Variants in GUCY2C observed in about 807,000 individuals in gnomAD.
GUCY2C encodes guanylyl cyclase C.
A neutral mutation model predicts 131.1 loss-of-function variants in GUCY2C; 118 were observed. The ratio of observed to expected loss-of-function variants is 0.90; its 90% CI spans 0.78 to 1.05. The LOEUF is 1.05. Among genes scored for constraint, GUCY2C ranks in the 50% least tolerant of loss-of-function variants. GUCY2C has a pLI of 0.00. For missense variants in GUCY2C, 1,161 were observed against 1,304.4 expected (o/e 0.89, Z 1.69); for synonymous variants, 452 against 457.8 (o/e 0.99, Z 0.16).
Position 14,614,507 on chromosome 12 carries a change from C to G in GUCY2C, c.3047+360G>C, listed in dbSNP as rs577626362. ...TCAAGTTCTAAATAGTCTGTTCATT[C>G]TTCCTCTTTTCCAGGTGGAAGCTCC... On this transcript the variant is annotated intron_variant, in intron 26 of 26. Coordinates refer to ENST00000261170, the MANE Select transcript of GUCY2C (RefSeq NM_004963.4). 12 of 194,128 alleles carry G rather than the reference C, an allele frequency of 6.2e-5. No homozygotes were observed. In the East Asian group the frequency reaches 1.7e-3, roughly 27 times the overall value. 12.0% of individuals were successfully genotyped at this position (194,128 alleles called of 1,614,324 possible). A position where few individuals can be genotyped will look rare whatever the true frequency, so the allele number is the denominator to read the frequency against.
intron 1 of GUCY2C, among the ~76,000 whole-genome samples, chr12:14,694,781 A>G (rs1948628833): frequency 6.6e-6 from 1 of 152,208 alleles, no homozygotes; most frequent in South Asian, 2.1e-4. Context: ...AATAGAGAAA[A>G]TTAAGACATA....
At chr12:14,617,320 G>A (rs953714440) in intron 24 of GUCY2C, among the ~76,000 whole-genome samples, 1 of 152,152 alleles carries the variant, frequency 6.6e-6, no homozygotes, top group Non-Finnish European at 1.5e-5. Context: ...TCTCACGTGG[G>A]AAGAAAGAAG....
chr12:14,644,496 T>C (rs1343305647), intron 16 of GUCY2C, among the ~76,000 whole-genome samples: 1 of 152,222 alleles, frequency 6.6e-6, no homozygotes, highest in Non-Finnish European at 1.5e-5. Flanking sequence ...GGCAAATCGA[T>C]TTTCATAACA....
intron 19 of GUCY2C, 31 bp downstream of exon 19, chr12:14,639,831 C>A (rs1240916925): frequency 1.6e-5 from 21 of 1,285,296 alleles, no homozygotes; most frequent in Non-Finnish European, 1.9e-5. Flanking sequence ...TATAGCAGGC[C>A]AAGGAAATGA....
At chr12:14,679,330 T>A (rs2137086575) in intron 6 of GUCY2C, among the ~76,000 whole-genome samples, 2 of 152,268 alleles carry the variant, frequency 1.3e-5, no homozygotes, top group South Asian at 4.1e-4. Context: ...TCTCCCAAAG[T>A]GCTGGGATTA....
chr12:14,648,887 C>T (rs1284636251), intron 15 of GUCY2C, among the ~76,000 whole-genome samples: 1 of 152,182 alleles, frequency 6.6e-6, no homozygotes, highest in Non-Finnish European at 1.5e-5. Context: ...TTATGATAGA[C>T]AGTCTTTGCA....
chr12:14,669,328 C>T (rs1948052198), intron 10 of GUCY2C, among the ~76,000 whole-genome samples: 1 of 151,908 alleles, frequency 6.6e-6, no homozygotes, highest in Non-Finnish European at 1.5e-5. Context: ...CCTCAGCCTC[C>T]CAAGTAGCTG....
At chr12:14,625,968 C>CA in intron 20 of GUCY2C, 53 bp from the exon 21 acceptor site, 1 of 1,043,804 alleles carries the variant, frequency 9.6e-7, no homozygotes, top group South Asian at 1.4e-5. Context: ...AAAACATGAA[C>CA]ATCCAATAAA....
At chr12:14,614,718 G>T in intron 26 of GUCY2C, 149 bp downstream of exon 26, 1 of 587,434 alleles carries the variant, frequency 1.7e-6, no homozygotes, top group Non-Finnish European at 3.0e-6. Context: ...AGTCTAGGAA[G>T]GGAGGTTTCT....
chr12:14,616,644 T>A lies in GUCY2C; in HGVS notation c.2959A>T (p.Thr987Ser). The A allele has an allele frequency of 6.3e-7, 1 of 1,575,532 alleles. No individual in the cohort carries two copies. The highest frequency in any genetic ancestry group is 8.7e-7 in the Non-Finnish European group (1 of 1,144,952). ...CQFLYEVRGE[T>S]YLKGRGNETT... ...TGTGGACTCCTTACCTTTAAGTATG[T>A]TTCTCCTCTCACTTCATAAAGGAAC... The change falls in exon 25 of 27, where the codon ACA (threonine) becomes TCA (serine). Residue 987 changes from threonine to serine, a missense_variant. Coordinates refer to ENST00000261170, the MANE Select transcript of GUCY2C (RefSeq NM_004963.4).
At chr12:14,643,989 T>A (rs1947460910) in intron 16 of GUCY2C, among the ~76,000 whole-genome samples, 1 of 152,228 alleles carries the variant, frequency 6.6e-6, no homozygotes, top group Admixed American at 6.5e-5. Context: ...AGGGTTGATT[T>A]TTTTTAAGTG....
At chr12:14,617,967 G>T (rs1470020464) in intron 24 of GUCY2C, among the ~76,000 whole-genome samples, 3 of 152,042 alleles carry the variant, frequency 2.0e-5, no homozygotes, top group Non-Finnish European at 4.4e-5. Context: ...AGCATGATTT[G>T]CCAGGACAAA....
rs1000100853 is a variant in GUCY2C, at chr12:14,681,220, A to G, written c.733+136T>C. The G allele has an allele frequency of 1.4e-5, 10 of 716,384 alleles. 1 individual carries two copies. Among genetic ancestry groups the G allele is most frequent in the Non-Finnish European group, 1.2e-5 (5 of 433,264 alleles). The allele number at this position is 716,384 out of a possible 1,614,324, so 44.4% of individuals were successfully genotyped here. A position where few individuals can be genotyped will look rare whatever the true frequency, so the allele number is the denominator to read the frequency against. On this transcript the variant is annotated intron_variant, in intron 5 of 26. Transcript: ENST00000261170. ...ATAATGAAGTTGCATGCAATTATAG[A>G]TCTCCCAAAATATACAAAATATGTA...
Position 14,681,399 on chromosome 12 carries a change from C to G in GUCY2C, c.690G>C (p.Lys230Asn). The G allele has an allele frequency of 7.4e-6, 12 of 1,611,914 alleles. No homozygotes were observed. Among genetic ancestry groups the G allele is most frequent in the Non-Finnish European group, 1.0e-5 (12 of 1,178,136 alleles). Residue 230 changes from lysine to asparagine, a missense_variant, in exon 5 of 27, where the codon AAG (lysine) becomes AAC (asparagine). Coordinates refer to ENST00000261170, the MANE Select transcript of GUCY2C (RefSeq NM_004963.4). The stretch of plus-strand genomic sequence containing the variant: ...GGTCCATTAAGATATCCTGAAACTC[C>G]TTATCTTGTCTTAACACCACCTTAA... ...LGFKVVLRQDKEFQDILMDHN... is the reference protein window; with the variant it reads ...LGFKVVLRQDNEFQDILMDHN...
chr12:14,633,327 T>C (rs1315253947), intron 19 of GUCY2C, among the ~76,000 whole-genome samples: 1 of 152,142 alleles, frequency 6.6e-6, no homozygotes, highest in Non-Finnish European at 1.5e-5. Flanking sequence ...GAGTAAATTA[T>C]GTAGAGACTA....
chr12:14,660,047 G>A (rs1291443259), intron 11 of GUCY2C, among the ~76,000 whole-genome samples: 2 of 152,200 alleles, frequency 1.3e-5, no homozygotes, highest in African/African-American at 4.8e-5. Flanking sequence ...GAGCAACACA[G>A]TTACAGGAGC....
chr12:14,620,802 T>C (rs985812054), intron 23 of GUCY2C, among the ~76,000 whole-genome samples: 7 of 152,182 alleles, frequency 4.6e-5, no homozygotes, highest in Admixed American at 2.6e-4. Flanking sequence ...TTTTCGTACA[T>C]GTTTGGTGTT....
At position 14,660,829 on chromosome 12, in the gene GUCY2C, T is replaced by A. The variant is rs1024480260; in HGVS notation, c.1364+152A>T. On this transcript the variant is annotated intron_variant, in intron 11 of 26. Coordinates refer to ENST00000261170, the MANE Select transcript of GUCY2C (RefSeq NM_004963.4). ...CACTCAATAATATTCTGCCCTTCAGTTAGTCTTTGATGCAGAATGTCTTCA... is the reference window on the plus strand; with the variant it reads ...CACTCAATAATATTCTGCCCTTCAGATAGTCTTTGATGCAGAATGTCTTCA... The A allele has an allele frequency of 3.8e-5, 23 of 600,920 alleles. 1 individual carries two copies. The South Asian group carries it at 4.7e-4, about 12-fold the overall frequency. 37.2% of individuals were successfully genotyped at this position (600,920 alleles called of 1,614,324 possible). A position where few individuals can be genotyped will look rare whatever the true frequency, so the allele number is the denominator to read the frequency against.
chr12:14,615,288 G>A (rs770978715), intron 25 of GUCY2C, among the ~76,000 whole-genome samples: 8 of 151,896 alleles, frequency 5.3e-5, no homozygotes, highest in Non-Finnish European at 5.9e-5. Flanking sequence ...ATTCTGCTAC[G>A]TCAACAAATC....
Sources: gnomAD v4.1 joint callset for allele counts (sites outside exome capture counted in the v4.1 genomes callset) on GRCh38, gnomAD v4.1.1 for gene constraint, MANE v1.5 for transcripts, NCBI Gene and HGNC (gene_info 2026-07-23, HGNC 2026-07-21) for gene names.